The following LMBR1 variants were observed in gnomAD, a reference collection of about 807,000 sequenced individuals.
LMBR1 encodes the protein limb region 1 protein homolog.
LMBR1 carries 52 observed loss-of-function variants against 73.9 expected under a neutral mutation model. That is an observed-to-expected ratio of 0.70 (90% CI 0.56 to 0.89). The LOEUF is 0.89. LMBR1 is among the 40% of genes least tolerant of loss of function. The probability of loss-of-function intolerance (pLI) is 0.00; values close to 1 mark genes in which losing one functional copy is unlikely to be tolerated. For missense variants in LMBR1, 539 were observed against 579.8 expected (o/e 0.93, Z 0.72); for synonymous variants, 215 against 209.4 (o/e 1.03, Z -0.23).
chr7:156,838,823 G>T (rs1265253249), intron 1 of LMBR1, among the ~76,000 whole-genome samples: 1 of 152,000 alleles, frequency 6.6e-6, no homozygotes, highest in Non-Finnish European at 1.5e-5. Flanking sequence ...ATACTAATTT[G>T]CATTCCCACC....
At chr7:156,741,546 G>C (rs747541595) in intron 9 of LMBR1, among the ~76,000 whole-genome samples, 1 of 152,138 alleles carries the variant, frequency 6.6e-6, no homozygotes, top group African/African-American at 2.4e-5. Flanking sequence ...AGAAATGTAA[G>C]AAGAGACACA....
intron 10 of LMBR1, among the ~76,000 whole-genome samples, chr7:156,729,900 A>C (rs1244531733): frequency 1.3e-5 from 2 of 152,200 alleles, no homozygotes; most frequent in Admixed American, 6.5e-5. Context: ...CTTAATTTTT[A>C]AAAAATCTGT....
At chr7:156,724,052 C>A in intron 15 of LMBR1, 60 bp downstream of exon 15, 2 of 1,175,464 alleles carry the variant, frequency 1.7e-6, no homozygotes, top group Non-Finnish European at 2.5e-6. Flanking sequence ...TAAATAAGTT[C>A]AGTAAAGACA....
At chr7:156,826,494 C>A in intron 4 of LMBR1, 111 bp downstream of exon 4, 1 of 667,840 alleles carries the variant, frequency 1.5e-6, no homozygotes, top group Non-Finnish European at 2.3e-6. Flanking sequence ...AAATCGTTTA[C>A]TGGAGGAAGT....
rs762416516 is a variant in LMBR1 at position 156,862,664 on chromosome 7, T to A, written c.67-25779A>T. On this transcript the variant is annotated intron_variant, in intron 1 of 16. Coordinates refer to ENST00000353442, the MANE Select transcript of LMBR1 (RefSeq NM_022458.4). Reference sequence around the variant, plus strand: ...AATGAAAGGACAAGCCACAGACTAGTGGGAAATTTCTGTAAAAAGTGTATC... The same window carrying A: ...AATGAAAGGACAAGCCACAGACTAGAGGGAAATTTCTGTAAAAAGTGTATC... 3.9e-5 allele frequency among the ~76,000 whole-genome samples: 6 copies of A among 152,278 alleles called. No individual in the cohort carries two copies. In the East Asian group the frequency reaches 9.6e-4, roughly 24 times the overall value.
intron 15 of LMBR1, among the ~76,000 whole-genome samples, chr7:156,714,139 C>T (rs993475211): frequency 6.6e-6 from 1 of 152,170 alleles, no homozygotes; most frequent in African/African-American, 2.4e-5. Context: ...TGTAAACCTC[C>T]CACCGCATAT....
At chr7:156,706,032 A>G (rs552851386) in intron 15 of LMBR1, among the ~76,000 whole-genome samples, 1 of 152,284 alleles carries the variant, frequency 6.6e-6, no homozygotes, top group African/African-American at 2.4e-5. Flanking sequence ...ACTGCTCACA[A>G]GAAATCCACC....
chr7:156,798,795 G>A (rs928470462), intron 4 of LMBR1, among the ~76,000 whole-genome samples: 1 of 152,062 alleles, frequency 6.6e-6, no homozygotes, highest in Non-Finnish European at 1.5e-5. Flanking sequence ...AATCATTTGT[G>A]TTATGAAAGA....
chr7:156,720,747 T>C (rs1585368902), intron 15 of LMBR1, among the ~76,000 whole-genome samples: 1 of 151,710 alleles, frequency 6.6e-6, no homozygotes, highest in Non-Finnish European at 1.5e-5. Context: ...AAATCATATA[T>C]ACTTTTTGGT....
At chr7:156,808,288 T>C (rs561494470) in intron 4 of LMBR1, among the ~76,000 whole-genome samples, 3 of 152,312 alleles carry the variant, frequency 2.0e-5, no homozygotes, top group Non-Finnish European at 2.9e-5. Context: ...TAGGCAGATA[T>C]ATGCTAAGTA....
rs373474004 is a variant in LMBR1, at chr7:156,752,985, G to A, written c.757+3408C>T. On this transcript the variant is annotated intron_variant, in intron 9 of 16. Transcript: ENST00000353442. Reference sequence around the variant, plus strand: ...GGGAAATGATGGGGGGTGAGAAAAAGGTGTTAGGATCAGGGTATGTTAAAT... The same window carrying A: ...GGGAAATGATGGGGGGTGAGAAAAAAGTGTTAGGATCAGGGTATGTTAAAT... Among the ~76,000 whole-genome samples the A allele has an allele frequency of 1.3e-3, 201 of 152,094 alleles. 4 individuals carry two copies. In the South Asian group the frequency reaches 0.041, roughly 31 times the overall value.
chr7:156,765,036 G>A (rs1329419261), intron 5 of LMBR1, among the ~76,000 whole-genome samples: 5 of 152,200 alleles, frequency 3.3e-5, no homozygotes, highest in Admixed American at 6.5e-5. Flanking sequence ...AATTAGGCTT[G>A]TATTTTAACA....
rs1260664913 is a variant in LMBR1, at chr7:156,680,906, C to T, written c.*3172G>A. The stretch of plus-strand genomic sequence containing the variant: ...TCACTTTTTGTACAACTTTTAATTT[C>T]TAAGACATTTAAAAAGTCACACTAA... On this transcript the variant is annotated 3_prime_UTR_variant, in exon 17 of 17. Transcript: ENST00000353442. The T allele has an allele frequency of 1.7e-5, 4 of 238,744 alleles. No homozygotes were observed. The highest frequency in any genetic ancestry group is 2.4e-5 in the Non-Finnish European group (3 of 122,654). 14.8% of individuals were successfully genotyped at this position (238,744 alleles called of 1,614,324 possible).
At chr7:156,858,677 A>C (rs1049855170) in intron 1 of LMBR1, among the ~76,000 whole-genome samples, 1 of 152,196 alleles carries the variant, frequency 6.6e-6, no homozygotes, top group Non-Finnish European at 1.5e-5. Flanking sequence ...ATATCAGCAA[A>C]CTGAATCCAA....
intron 4 of LMBR1, among the ~76,000 whole-genome samples, chr7:156,812,804 C>A (rs1833318766): frequency 6.6e-6 from 1 of 152,196 alleles, no homozygotes; most frequent in South Asian, 2.1e-4. Context: ...AATCTCCTTT[C>A]CAGTACTCTG....
At chr7:156,714,483 T>C (rs970517510) in intron 15 of LMBR1, among the ~76,000 whole-genome samples, 1 of 152,214 alleles carries the variant, frequency 6.6e-6, no homozygotes, top group Non-Finnish European at 1.5e-5. Flanking sequence ...ATTATGTCTT[T>C]ATTACTAATG....
chr7:156,792,485 A>T (rs1426290566), intron 5 of LMBR1, among the ~76,000 whole-genome samples: 2 of 152,226 alleles, frequency 1.3e-5, no homozygotes, highest in Non-Finnish European at 2.9e-5. Context: ...CTTACTAAAA[A>T]AAAACTTTTA....
At chr7:156,719,966 A>G (rs1814162704) in intron 15 of LMBR1, among the ~76,000 whole-genome samples, 1 of 151,792 alleles carries the variant, frequency 6.6e-6, no homozygotes, top group Non-Finnish European at 1.5e-5. Context: ...AAGATGGATT[A>G]AAGACTTAAA....
intron 15 of LMBR1, among the ~76,000 whole-genome samples, chr7:156,715,560 C>T (rs980282426): frequency 8.6e-5 from 13 of 152,038 alleles, no homozygotes; most frequent in African/African-American, 2.2e-4. Context: ...GAAGTATATT[C>T]GCCATTGGTA....
Sources: gnomAD v4.1 joint callset for allele counts (sites outside exome capture counted in the v4.1 genomes callset) on GRCh38, gnomAD v4.1.1 for gene constraint, MANE v1.5 for transcripts, NCBI Gene and HGNC (gene_info 2026-07-23, HGNC 2026-07-21) for gene names.